The following NEGR1 variants were observed in gnomAD, a reference collection of about 807,000 sequenced individuals.
The protein encoded by NEGR1 is IgLON family member 4.
NEGR1 carries 10 observed loss-of-function variants against 40.9 expected under a neutral mutation model. The ratio of observed to expected loss-of-function variants is 0.24; its 90% CI spans 0.15 to 0.42. NEGR1 has a LOEUF of 0.42. NEGR1 is among the 10% of genes least tolerant of loss of function. The pLI is 1.00. For synonymous variants in NEGR1, 185 were observed against 166.8 expected, an observed-to-expected ratio of 1.11 and a Z score of -0.84; for missense variants, 352 against 438.9, an observed-to-expected ratio of 0.80 and a Z score of 1.77.
intron 1 of NEGR1, among the ~76,000 whole-genome samples, chr1:72,028,664 C>A (rs547288429): frequency 1.3e-5 from 2 of 152,318 alleles, no homozygotes; most frequent in South Asian, 4.1e-4. Context: ...TTCCCACATC[C>A]TTTTAAATCT....
At chr1:71,787,633 T>G (rs1014408899) in intron 2 of NEGR1, among the ~76,000 whole-genome samples, 1 of 152,110 alleles carries the variant, frequency 6.6e-6, no homozygotes, top group Non-Finnish European at 1.5e-5. Context: ...AATGACACCT[T>G]TATAGGAATT....
chr1:71,568,948 C>T (rs1279931547), intron 6 of NEGR1, among the ~76,000 whole-genome samples: 4 of 148,346 alleles, frequency 2.7e-5, no homozygotes, highest in South Asian at 2.1e-4. Flanking sequence ...GACGGAGTCT[C>T]GCTTCATCGC....
intron 2 of NEGR1, among the ~76,000 whole-genome samples, chr1:71,928,435 T>TGTGTATGTATATACAC (rs1557439281): frequency 1.2e-5 from 1 of 80,118 alleles, no homozygotes; most frequent in Non-Finnish European, 2.5e-5. Context: ...TATGTATATA[T>TGTGTATGTATATACAC]ACACATATAT....
At chr1:71,843,415 G>A (rs774430157) in intron 2 of NEGR1, among the ~76,000 whole-genome samples, 2 of 152,136 alleles carry the variant, frequency 1.3e-5, no homozygotes, top group Non-Finnish European at 2.9e-5. Context: ...AACAGAAGTC[G>A]AGGCTATTGA....
Position 71,928,369 on chromosome 1 carries a change from TG to T in NEGR1, c.409+6709del. ...ACATGTGTATATATATATACACATA[TG>T]TATATATGTATATATACACACATAT... On this transcript the variant is annotated intron_variant, in intron 2 of 6. Transcript: ENST00000357731. Among the ~76,000 whole-genome samples, 2 of 106,090 alleles carry T rather than the reference TG, an allele frequency of 1.9e-5. 1 individual carries two copies. The highest frequency in any genetic ancestry group is 7.4e-5 in the African/African-American group (2 of 27,164). The allele number at this position is 106,090 out of a possible 152,430, so 69.6% of individuals were successfully genotyped here.
At chr1:71,906,294 G>A (rs1039048564) in intron 2 of NEGR1, among the ~76,000 whole-genome samples, 1 of 152,008 alleles carries the variant, frequency 6.6e-6, no homozygotes, top group Admixed American at 6.6e-5. Context: ...CGTATACGCT[G>A]CTCGGGTAAT....
chr1:71,504,828 T>C (rs967950247), intron 6 of NEGR1, among the ~76,000 whole-genome samples: 2 of 152,140 alleles, frequency 1.3e-5, no homozygotes, highest in African/African-American at 4.8e-5. Flanking sequence ...GTCATTCTTA[T>C]ATGTTCCTGA....
intron 1 of NEGR1, among the ~76,000 whole-genome samples, chr1:72,172,942 C>T (rs1652017506): frequency 6.6e-6 from 1 of 152,068 alleles, no homozygotes; most frequent in Non-Finnish European, 1.5e-5. Context: ...TTACCTTGTG[C>T]CCACCTGAAT....
chr1:71,692,019 G>T (rs568413149), intron 4 of NEGR1, among the ~76,000 whole-genome samples: 1 of 151,516 alleles, frequency 6.6e-6, no homozygotes, highest in Non-Finnish European at 1.5e-5. Context: ...CTTACGATTG[G>T]TTTATCAAAG....
At chr1:71,740,893 A>G (rs926052885) in intron 3 of NEGR1, among the ~76,000 whole-genome samples, 1 of 152,170 alleles carries the variant, frequency 6.6e-6, no homozygotes, top group South Asian at 2.1e-4. Context: ...TTCAGAGTTG[A>G]CAAGAAAATA....
At chr1:72,237,015 GA>G (rs1654570665) in intron 1 of NEGR1, among the ~76,000 whole-genome samples, 1 of 151,816 alleles carries the variant, frequency 6.6e-6, no homozygotes, top group Non-Finnish European at 1.5e-5. Flanking sequence ...ATTAAAAAGT[GA>G]AAAATGTCTG....
intron 2 of NEGR1, among the ~76,000 whole-genome samples, chr1:71,923,196 C>A (rs1264123983): frequency 6.6e-6 from 1 of 152,138 alleles, no homozygotes; most frequent in African/African-American, 2.4e-5. Flanking sequence ...TTTTCACAAC[C>A]CGCCATGCAT....
intron 1 of NEGR1, among the ~76,000 whole-genome samples, chr1:72,111,900 G>T (rs1337568216): frequency 6.6e-6 from 1 of 151,764 alleles, no homozygotes; most frequent in Non-Finnish European, 1.5e-5. Context: ...TCCTACATAG[G>T]AGATAATTAA....
At chr1:71,969,158 G>GCACC (rs903806467) in intron 1 of NEGR1, among the ~76,000 whole-genome samples, 1 of 152,034 alleles carries the variant, frequency 6.6e-6, no homozygotes. Flanking sequence ...GAGATTACAG[G>GCACC]CACCCGCCAC....
At chr1:71,706,247 T>C (rs1570239086) in intron 3 of NEGR1, among the ~76,000 whole-genome samples, 1 of 152,028 alleles carries the variant, frequency 6.6e-6, no homozygotes, top group East Asian at 1.9e-4. Flanking sequence ...GAAAACCAGA[T>C]CAAACTCAGC....
At chr1:71,537,035 T>C (rs1647535325) in intron 6 of NEGR1, among the ~76,000 whole-genome samples, 1 of 151,734 alleles carries the variant, frequency 6.6e-6, no homozygotes, top group African/African-American at 2.4e-5. Context: ...AAACTACTTA[T>C]TGAACAGCTG....
At chr1:72,252,267 C>T (rs565491808) in intron 1 of NEGR1, among the ~76,000 whole-genome samples, 4 of 152,160 alleles carry the variant, frequency 2.6e-5, no homozygotes, top group Admixed American at 6.5e-5. Context: ...TGGTCTCAAA[C>T]GTCTGACCTA....
intron 3 of NEGR1, among the ~76,000 whole-genome samples, chr1:71,739,350 C>T (rs571758524): frequency 2.6e-4 from 40 of 152,038 alleles, no homozygotes; most frequent in Non-Finnish European, 4.4e-4. Flanking sequence ...CTGGCTTCCT[C>T]GCTCCTCAGC....
At position 71,406,356 on chromosome 1, in the gene NEGR1, T is replaced by A. The variant is rs1290533514; in HGVS notation, c.*1090A>T. 3 of 151,922 alleles carry A rather than the reference T, an allele frequency of 2.0e-5. No individual in the cohort carries two copies. Among genetic ancestry groups the A allele is most frequent in the Non-Finnish European group, 4.4e-5 (3 of 67,882 alleles). 9.4% of individuals were successfully genotyped at this position (151,922 alleles called of 1,614,324 possible). ...GGAGCACTGCCTCTGTCATACTAAC[T>A]TAGCTGCCACAAAATAAAATTAATG... On this transcript the variant is annotated 3_prime_UTR_variant, in exon 7 of 7. Coordinates refer to ENST00000357731, the MANE Select transcript of NEGR1 (RefSeq NM_173808.3).
Sources: gnomAD v4.1 joint callset for allele counts (sites outside exome capture counted in the v4.1 genomes callset) on GRCh38, gnomAD v4.1.1 for gene constraint, MANE v1.5 for transcripts, NCBI Gene and HGNC (gene_info 2026-07-23, HGNC 2026-07-21) for gene names.